Variants in ROBO1 observed in about 807,000 individuals in gnomAD.
ROBO1 encodes roundabout guidance receptor 1.
In ROBO1, 149 loss-of-function variants were observed where a neutral mutation model predicts 195.9. That is an observed-to-expected ratio of 0.76 (90% confidence interval 0.67 to 0.87). ROBO1 has a LOEUF of 0.87. Ranked by LOEUF, ROBO1 falls within the 40% of genes least tolerant of loss-of-function variation. The pLI is 0.00. For missense variants in ROBO1, 1,933 were observed against 2,068.3 expected (o/e 0.93, Z 1.27); for synonymous variants, 816 against 733.2 (o/e 1.11, Z -1.82).
intron 2 of ROBO1, among the ~76,000 whole-genome samples, chr3:79,307,298 T>C (rs1401332439): frequency 6.6e-6 from 1 of 151,694 alleles, no homozygotes; most frequent in Admixed American, 6.6e-5. Context: ...AGGCTTTTCT[T>C]TTTTTTTAAT....
At chr3:78,968,047 C>T (rs530691207) in intron 3 of ROBO1, among the ~76,000 whole-genome samples, 2 of 152,146 alleles carry the variant, frequency 1.3e-5, no homozygotes, top group Admixed American at 6.5e-5. Flanking sequence ...ATCAATCTTT[C>T]ATCTTAAACA....
intron 7 of ROBO1, 198 bp from the exon 8 acceptor site, chr3:78,714,722 T>C (rs1334028630): frequency 9.2e-6 from 4 of 436,622 alleles, no homozygotes; most frequent in Middle Eastern, 5.7e-4. Flanking sequence ...CATATTAAAC[T>C]ACTTTCTAAA....
chr3:79,736,772 T>C (rs1049851292), intron 1 of ROBO1, among the ~76,000 whole-genome samples: 2 of 152,128 alleles, frequency 1.3e-5, no homozygotes, highest in African/African-American at 4.8e-5. Flanking sequence ...TGTCAGGGGA[T>C]TTAAAGTGGA....
chr3:79,323,474 A>T (rs143928369), intron 2 of ROBO1, among the ~76,000 whole-genome samples: 24 of 152,342 alleles, frequency 1.6e-4, no homozygotes, highest in African/African-American at 5.5e-4. Context: ...ATGTATCATT[A>T]GCTTATTAAG....
chr3:79,671,052 C>A (rs1382632651), intron 1 of ROBO1, among the ~76,000 whole-genome samples: 1 of 151,724 alleles, frequency 6.6e-6, no homozygotes, highest in Non-Finnish European at 1.5e-5. Flanking sequence ...AAAAAGCTGA[C>A]TCCTAATTAA....
chr3:79,368,336 A>G (rs1332741561), intron 2 of ROBO1, among the ~76,000 whole-genome samples: 1 of 152,106 alleles, frequency 6.6e-6, no homozygotes, highest in Non-Finnish European at 1.5e-5. Flanking sequence ...ATCACAAGAG[A>G]GACTGCATGG....
intron 8 of ROBO1, among the ~76,000 whole-genome samples, chr3:78,702,778 C>T (rs1197468474): frequency 2.6e-5 from 4 of 152,076 alleles, no homozygotes; most frequent in Non-Finnish European, 5.9e-5. Context: ...AAAACCTTAC[C>T]CACTGTTATG....
At chr3:79,547,048 G>C (rs1311474629) in intron 2 of ROBO1, among the ~76,000 whole-genome samples, 1 of 151,718 alleles carries the variant, frequency 6.6e-6, no homozygotes, top group African/African-American at 2.4e-5. Context: ...AGCCGGGCGT[G>C]GTGGCGGGTG....
chr3:79,589,885 C>T lies in ROBO1; in HGVS notation c.27G>A (p.Leu9=), dbSNP rs1286429568. The T allele has an allele frequency of 1.2e-6, 2 of 1,610,044 alleles. No individual in the cohort carries two copies. The highest frequency in any genetic ancestry group is 2.2e-5 in the East Asian group (1 of 44,768). MKWKHVPF[L]VMISLLSLSP... is the part of the protein sequence containing the mutation. Reference sequence around the variant, plus strand: ...ATAAGCTGAGGAGTGATATCATGACCAAAAAAGGAACATGTTTCCATTTCA... The same window carrying T: ...ATAAGCTGAGGAGTGATATCATGACTAAAAAAGGAACATGTTTCCATTTCA... Residue 9 remains leucine, a synonymous_variant, in exon 2 of 31, where the codon TTG becomes TTA. Transcript: ENST00000464233.
intron 2 of ROBO1, among the ~76,000 whole-genome samples, chr3:79,436,561 G>C (rs2038896456): frequency 6.6e-6 from 1 of 152,032 alleles, no homozygotes; most frequent in Non-Finnish European, 1.5e-5. Flanking sequence ...TTGATCTGTA[G>C]GTTGTCATGT....
At chr3:78,689,853 A>G (rs2081132606) in intron 8 of ROBO1, among the ~76,000 whole-genome samples, 1 of 151,982 alleles carries the variant, frequency 6.6e-6, no homozygotes, top group Admixed American at 6.6e-5. Flanking sequence ...ATCAAATTAG[A>G]TTCAGATTAT....
intron 2 of ROBO1, among the ~76,000 whole-genome samples, chr3:79,307,937 G>A (rs1360022069): frequency 6.6e-6 from 1 of 152,106 alleles, no homozygotes; most frequent in Non-Finnish European, 1.5e-5. Flanking sequence ...TGGAATCACT[G>A]AGCCTGATTT....
chr3:79,491,095 T>C (rs2107448184), intron 2 of ROBO1, among the ~76,000 whole-genome samples: 1 of 152,202 alleles, frequency 6.6e-6, no homozygotes, highest in Non-Finnish European at 1.5e-5. Flanking sequence ...TGCAGGAGCC[T>C]TTTGTTAAAG....
At chr3:79,009,509 T>C (rs1371191899) in intron 3 of ROBO1, among the ~76,000 whole-genome samples, 1 of 152,086 alleles carries the variant, frequency 6.6e-6, no homozygotes, top group Non-Finnish European at 1.5e-5. Context: ...CCTAAGAAAT[T>C]ATACAACAGC....
chr3:78,698,247 A>G (rs1244804800), intron 8 of ROBO1, among the ~76,000 whole-genome samples: 2 of 152,194 alleles, frequency 1.3e-5, no homozygotes, highest in Non-Finnish European at 2.9e-5. Context: ...TTGAACTGAC[A>G]AAATCCAGTC....
chr3:78,941,417 T>C (rs1372789762), intron 3 of ROBO1, among the ~76,000 whole-genome samples: 1 of 152,218 alleles, frequency 6.6e-6, no homozygotes, highest in Non-Finnish European at 1.5e-5. Context: ...TTGTAATATG[T>C]TCTTGGCCTT....
intron 2 of ROBO1, among the ~76,000 whole-genome samples, chr3:79,397,325 C>T (rs2037194426): frequency 6.6e-6 from 1 of 151,842 alleles, no homozygotes; most frequent in South Asian, 2.1e-4. Context: ...ATTTGCTCTT[C>T]AGAAGCCAGA....
At chr3:79,356,668 C>T (rs1022808863) in intron 2 of ROBO1, among the ~76,000 whole-genome samples, 4 of 151,958 alleles carry the variant, frequency 2.6e-5, no homozygotes, top group African/African-American at 9.7e-5. Flanking sequence ...ATTGTTTTTT[C>T]CCTTTTATTT....
chr3:79,138,771 A>G (rs2080465208), intron 2 of ROBO1, among the ~76,000 whole-genome samples: 2 of 151,922 alleles, frequency 1.3e-5, no homozygotes, highest in Non-Finnish European at 2.9e-5. Flanking sequence ...TAGATGAATT[A>G]TATTTAAGTT....
Sources: gnomAD v4.1 joint callset for allele counts (sites outside exome capture counted in the v4.1 genomes callset) on GRCh38, gnomAD v4.1.1 for gene constraint, MANE v1.5 for transcripts, NCBI Gene and HGNC (gene_info 2026-07-23, HGNC 2026-07-21) for gene names.